Variants in DEPTOR observed in about 807,000 individuals in gnomAD.
DEPTOR encodes DEP domain-containing mTOR-interacting protein.
A neutral mutation model predicts 41.6 loss-of-function variants in DEPTOR; 41 were observed. That is an observed-to-expected ratio of 0.98 (90% CI 0.77 to 1.28). The LOEUF is 1.28. DEPTOR is among the 50% of genes most tolerant of loss of function. The pLI is 0.00. For missense variants in DEPTOR, 514 were observed against 527.9 expected (o/e 0.97, Z 0.26); for synonymous variants, 195 against 192.3 (o/e 1.01, Z -0.12).
At chr8:119,926,121 A>G (rs1397485224) in intron 1 of DEPTOR, among the ~76,000 whole-genome samples, 2 of 152,198 alleles carry the variant, frequency 1.3e-5, no homozygotes, top group South Asian at 2.1e-4. Flanking sequence ...TTTCCTTAAT[A>G]GAAGAAAGGG....
chr8:119,926,656 C>T (rs954014930), intron 1 of DEPTOR, among the ~76,000 whole-genome samples: 3 of 152,186 alleles, frequency 2.0e-5, no homozygotes, highest in African/African-American at 7.2e-5. Flanking sequence ...CTATCACCAC[C>T]ATCTTATGAG....
chr8:119,920,991 T>TTTTTG (rs1554673636), intron 1 of DEPTOR, among the ~76,000 whole-genome samples: 5 of 151,056 alleles, frequency 3.3e-5, no homozygotes, highest in African/African-American at 1.2e-4. Context: ...TTTTTTTTTT[T>TTTTTG]TTTGAGACAG....
chr8:120,044,663 A>G (rs1195881733), intron 8 of DEPTOR, among the ~76,000 whole-genome samples: 1 of 152,210 alleles, frequency 6.6e-6, no homozygotes, highest in Non-Finnish European at 1.5e-5. Context: ...AAAGAATATC[A>G]AGTCAACTGT....
In DEPTOR at chr8:120,021,058, C is replaced by CAAAATAAAATAAAATAAAATAAAATT. The variant is rs1554586250; in HGVS notation, c.1101+11950_1101+11951insTAAAATAAAATAAAATAAAATAAAAT. Among the ~76,000 whole-genome samples the CAAAATAAAATAAAATAAAATAAAATT allele has an allele frequency of 4.2e-5, 5 of 119,920 alleles. 1 individual carries two copies. The highest frequency in any genetic ancestry group is 6.7e-5 in the Non-Finnish European group (4 of 60,098). 78.7% of individuals were successfully genotyped at this position (119,920 alleles called of 152,430 possible). On this transcript the variant is annotated intron_variant, in intron 8 of 8. Coordinates refer to ENST00000286234, the MANE Select transcript of DEPTOR (RefSeq NM_022783.4). ...TGGGTGACACAGCGAGACTCTGTCT[C>CAAAATAAAATAAAATAAAATAAAATT]AAAATAAAATAAAATAAAATAAAAT...
intron 1 of DEPTOR, among the ~76,000 whole-genome samples, chr8:119,927,242 A>G (rs756823062): frequency 1.1e-4 from 17 of 152,200 alleles, no homozygotes; most frequent in Non-Finnish European, 1.8e-4. Flanking sequence ...CTGTGGCAAC[A>G]TTCCGTGCCA....
intron 3 of DEPTOR, among the ~76,000 whole-genome samples, chr8:119,957,445 C>G (rs9297608): frequency 0.67 from 102,307 of 151,938 alleles, 34,870 homozygotes; most frequent in Middle Eastern, 0.84. Context: ...AAAGTGATAT[C>G]TAAAACCAGA....
At chr8:119,891,824 T>C (rs549765687) in intron 1 of DEPTOR, among the ~76,000 whole-genome samples, 1 of 152,318 alleles carries the variant, frequency 6.6e-6, no homozygotes, top group Non-Finnish European at 1.5e-5. Flanking sequence ...GTCATCTCTT[T>C]GTATAAGCAA....
intron 3 of DEPTOR, among the ~76,000 whole-genome samples, chr8:119,946,541 C>A (rs1384048052): frequency 6.6e-6 from 1 of 151,434 alleles, no homozygotes; most frequent in African/African-American, 2.4e-5. Flanking sequence ...AGGAGTTCAA[C>A]CTGACCAACA....
intron 4 of DEPTOR, among the ~76,000 whole-genome samples, chr8:119,973,159 G>A (rs1408957657): frequency 6.6e-6 from 1 of 151,712 alleles, no homozygotes; most frequent in Non-Finnish European, 1.5e-5. Flanking sequence ...GGCTGCTCTC[G>A]AACTCCCGAC....
At chr8:120,001,076 C>CA (rs199941553) in intron 4 of DEPTOR, among the ~76,000 whole-genome samples, 16,596 of 146,912 alleles carry the variant, frequency 0.11, 1,339 homozygotes, top group African/African-American at 0.23. Context: ...GACACCATCT[C>CA]AAAAAAAAAG....
chr8:120,033,741 G>GT (rs1812931370), intron 8 of DEPTOR, among the ~76,000 whole-genome samples: 1 of 152,136 alleles, frequency 6.6e-6, no homozygotes, highest in Non-Finnish European at 1.5e-5. Context: ...CCACATCCAC[G>GT]TTTTAATTGC....
chr8:119,990,589 G>A lies in DEPTOR; in HGVS notation c.605-10936G>A, dbSNP rs1423233971. 3.3e-5 allele frequency among the ~76,000 whole-genome samples: 5 copies of A among 152,284 alleles called. No individual in the cohort carries two copies. In the East Asian group the frequency reaches 7.7e-4, roughly 23 times the overall value. On this transcript the variant is annotated intron_variant, in intron 4 of 8. Coordinates refer to ENST00000286234, the MANE Select transcript of DEPTOR (RefSeq NM_022783.4). ...TCAGACAATCACAGTGTCATGTTTG[G>A]TTTTCTATCTTTACTAAAGTTACTT...
In DEPTOR at chr8:120,018,581, G is replaced by GA. The variant is rs368986428; in HGVS notation, c.1101+9458dup. Among the ~76,000 whole-genome samples, 66 of 148,278 alleles carry GA rather than the reference G, an allele frequency of 4.5e-4. 1 individual carries two copies. In the South Asian group the frequency reaches 9.2e-3, roughly 21 times the overall value. ...GCAACAGAGCAAGACTGACTCAAAAGAAAAAAAAAATGTAGTTCCTTTCCA... is the reference window on the plus strand; with the variant it reads ...GCAACAGAGCAAGACTGACTCAAAAGAAAAAAAAAAATGTAGTTCCTTTCCA... On this transcript the variant is annotated intron_variant, in intron 8 of 8. Coordinates refer to ENST00000286234, the MANE Select transcript of DEPTOR (RefSeq NM_022783.4).
intron 1 of DEPTOR, among the ~76,000 whole-genome samples, chr8:119,920,694 G>A (rs532764208): frequency 1.6e-4 from 24 of 152,304 alleles, no homozygotes; most frequent in African/African-American, 5.5e-4. Flanking sequence ...AGGGTGGAAG[G>A]CCTCCTTAGC....
At chr8:119,953,634 G>A (rs1169355178) in intron 3 of DEPTOR, among the ~76,000 whole-genome samples, 1 of 151,306 alleles carries the variant, frequency 6.6e-6, no homozygotes, top group Non-Finnish European at 1.5e-5. Context: ...TGGACAAAAA[G>A]GGTATGATCT....
At chr8:119,965,501 G>A (rs1586635925) in intron 4 of DEPTOR, 91 bp downstream of exon 4, 4 of 1,462,570 alleles carry the variant, frequency 2.7e-6, no homozygotes, top group Admixed American at 2.2e-5. Flanking sequence ...TCTCACTCAT[G>A]AATCTGTAAG....
intron 3 of DEPTOR, among the ~76,000 whole-genome samples, chr8:119,946,283 ATTAAAG>A (rs1233921994): frequency 6.6e-6 from 1 of 152,200 alleles, no homozygotes; most frequent in African/African-American, 2.4e-5. Context: ...TTTTAACTTT[ATTAAAG>A]TTAAATTTGT....
At chr8:120,016,663 C>G (rs181399541) in intron 8 of DEPTOR, among the ~76,000 whole-genome samples, 357 of 151,654 alleles carry the variant, frequency 2.4e-3, no homozygotes, top group African/African-American at 8.0e-3. Flanking sequence ...AGTGCAGTGG[C>G]CTGAACATGG....
At chr8:120,013,201 C>T (rs1812559050) in intron 8 of DEPTOR, among the ~76,000 whole-genome samples, 1 of 150,748 alleles carries the variant, frequency 6.6e-6, no homozygotes, top group Non-Finnish European at 1.5e-5. Flanking sequence ...ATCACATATG[C>T]AGTTCATAGT....
Sources: gnomAD v4.1 joint callset for allele counts (sites outside exome capture counted in the v4.1 genomes callset) on GRCh38, gnomAD v4.1.1 for gene constraint, MANE v1.5 for transcripts, NCBI Gene and HGNC (gene_info 2026-07-23, HGNC 2026-07-21) for gene names.